Variants in RALYL observed in about 807,000 individuals in gnomAD.
RALYL encodes the protein RNA-binding Raly-like protein.
Under a neutral mutation model 35.1 loss-of-function variants are expected in RALYL, and 29 were observed. The observed-to-expected ratio is 0.83, with a 90% CI of 0.61 to 1.13. The LOEUF is 1.13. Ranked by LOEUF, RALYL falls within the 50% of genes most tolerant of loss-of-function variation. The pLI is 0.00. For missense variants in RALYL, 359 were observed against 360.4 expected (o/e 1.00, Z 0.03); for synonymous variants, 120 against 127.6 (o/e 0.94, Z 0.40).
At chr8:84,358,566 G>A (rs775712215) in intron 1 of RALYL, among the ~76,000 whole-genome samples, 13 of 151,976 alleles carry the variant, frequency 8.6e-5, no homozygotes, top group Non-Finnish European at 1.8e-4. Context: ...AATGATGAGC[G>A]TGGTTTTGAG....
chr8:84,325,848 G>A (rs1243862959), intron 1 of RALYL, among the ~76,000 whole-genome samples: 1 of 152,152 alleles, frequency 6.6e-6, no homozygotes, highest in Non-Finnish European at 1.5e-5. Context: ...TTAAAAAATA[G>A]GCTGGGTGCA....
intron 1 of RALYL, among the ~76,000 whole-genome samples, chr8:84,341,522 T>G (rs529943567): frequency 2.0e-5 from 3 of 152,142 alleles, no homozygotes; most frequent in Non-Finnish European, 2.9e-5. Context: ...TTTTCTATAA[T>G]GTATCGGTAT....
At chr8:84,493,379 G>T (rs935491024) in intron 1 of RALYL, among the ~76,000 whole-genome samples, 1 of 152,104 alleles carries the variant, frequency 6.6e-6, no homozygotes, top group Admixed American at 6.6e-5. Flanking sequence ...ATAAACATAT[G>T]TGTGCGTGTA....
chr8:84,826,204 C>T lies in RALYL; in HGVS notation c.365+21402C>T, dbSNP rs78285812. Among the ~76,000 whole-genome samples, 311 of 149,002 alleles carry T rather than the reference C, an allele frequency of 2.1e-3. 1 individual carries two copies. Among genetic ancestry groups the T allele is most frequent in the Middle Eastern group, 3.5e-3 (1 of 286 alleles). ...TTGAAAAACTGTTGGGTACCATGCTCACTAGGTGATGGGATCAATCATACT... is the reference window on the plus strand; with the variant it reads ...TTGAAAAACTGTTGGGTACCATGCTTACTAGGTGATGGGATCAATCATACT... On this transcript the variant is annotated intron_variant, in intron 4 of 8. Transcript: ENST00000521268.
chr8:84,697,268 TATC>T (rs1401566294), intron 2 of RALYL, among the ~76,000 whole-genome samples: 1 of 152,080 alleles, frequency 6.6e-6, no homozygotes, highest in Non-Finnish European at 1.5e-5. Flanking sequence ...AAGAATTACT[TATC>T]ATAGTATTGG....
At chr8:84,760,709 T>A (rs971302541) in intron 2 of RALYL, among the ~76,000 whole-genome samples, 1 of 151,992 alleles carries the variant, frequency 6.6e-6, no homozygotes, top group African/African-American at 2.4e-5. Context: ...TAAAAGTAAA[T>A]CTCATGAATG....
At chr8:84,830,074 A>G (rs1187839584) in intron 4 of RALYL, among the ~76,000 whole-genome samples, 1 of 151,980 alleles carries the variant, frequency 6.6e-6, no homozygotes, top group East Asian at 1.9e-4. Context: ...AAAAGTATGA[A>G]AAATGAGGCA....
At chr8:84,473,493 T>G (rs1184873765) in intron 1 of RALYL, among the ~76,000 whole-genome samples, 1 of 151,818 alleles carries the variant, frequency 6.6e-6, no homozygotes, top group Non-Finnish European at 1.5e-5. Context: ...CCAATTAAAT[T>G]TATTACTTTT....
At chr8:84,306,184 C>T (rs1011799417) in intron 1 of RALYL, among the ~76,000 whole-genome samples, 1 of 151,630 alleles carries the variant, frequency 6.6e-6, no homozygotes, top group African/African-American at 2.4e-5. Flanking sequence ...AAACGAAAAC[C>T]CCACCTCTTT....
At chr8:84,464,267 A>C (rs994373882) in intron 1 of RALYL, among the ~76,000 whole-genome samples, 7 of 151,694 alleles carry the variant, frequency 4.6e-5, no homozygotes, top group Admixed American at 4.6e-4. Flanking sequence ...CATTAGGTAT[A>C]TCTCCCAATG....
intron 1 of RALYL, among the ~76,000 whole-genome samples, chr8:84,248,677 T>C (rs1392199065): frequency 2.0e-5 from 3 of 152,156 alleles, no homozygotes; most frequent in African/African-American, 7.2e-5. Context: ...TCTGTTCTGA[T>C]GCTATTGGAC....
chr8:84,755,887 A>T (rs1053042119), intron 2 of RALYL, among the ~76,000 whole-genome samples: 19 of 149,874 alleles, frequency 1.3e-4, no homozygotes, highest in Non-Finnish European at 2.2e-4. Context: ...AAAAAAAAAA[A>T]TCCTCTTACC....
intron 1 of RALYL, among the ~76,000 whole-genome samples, chr8:84,369,305 T>C (rs1855199939): frequency 6.9e-6 from 1 of 145,672 alleles, no homozygotes; most frequent in Non-Finnish European, 1.5e-5. Flanking sequence ...AAAACTAGTA[T>C]TTATTTATTT....
At chr8:84,425,930 T>C (rs1304018805) in intron 1 of RALYL, among the ~76,000 whole-genome samples, 1 of 151,950 alleles carries the variant, frequency 6.6e-6, no homozygotes, top group Non-Finnish European at 1.5e-5. Flanking sequence ...TTGGGTTCAT[T>C]GGAACTAGGA....
At chr8:84,522,236 T>C (rs1188320594) in intron 1 of RALYL, among the ~76,000 whole-genome samples, 1 of 148,594 alleles carries the variant, frequency 6.7e-6, no homozygotes, top group Non-Finnish European at 1.5e-5. Flanking sequence ...ATACACAAAA[T>C]GATAGAAAGG....
At chr8:84,492,057 C>T (rs751877505) in intron 1 of RALYL, among the ~76,000 whole-genome samples, 1 of 151,928 alleles carries the variant, frequency 6.6e-6, no homozygotes, top group Non-Finnish European at 1.5e-5. Flanking sequence ...CAGAATATAA[C>T]TTAAAACTAT....
chr8:84,384,500 G>T lies in RALYL; in HGVS notation c.-23-144799G>T, dbSNP rs1227351009. Among the ~76,000 whole-genome samples, 5 of 151,666 alleles carry T rather than the reference G, an allele frequency of 3.3e-5. No individual in the cohort carries two copies. In the East Asian group the frequency reaches 9.8e-4, roughly 30 times the overall value. On this transcript the variant is annotated intron_variant, in intron 1 of 8. Coordinates refer to ENST00000521268, the MANE Select transcript of RALYL (RefSeq NM_173848.7). ...ATTATTTCTATTATAGATATTCTTT[G>T]AACTCTGGATAAAGAATAATACACA... is the stretch of plus-strand genomic sequence containing the variant.
chr8:84,855,729 A>G (rs771695494), intron 5 of RALYL, among the ~76,000 whole-genome samples: 25 of 152,242 alleles, frequency 1.6e-4, no homozygotes, highest in Non-Finnish European at 2.8e-4. Context: ...AACTTCTGCA[A>G]TGTTAGCTGT....
chr8:84,585,716 C>A (rs941643686), intron 2 of RALYL, among the ~76,000 whole-genome samples: 9 of 152,000 alleles, frequency 5.9e-5, no homozygotes, highest in South Asian at 2.1e-4. Flanking sequence ...TATACATTAA[C>A]AAATATTCCA....
Sources: gnomAD v4.1 joint callset for allele counts (sites outside exome capture counted in the v4.1 genomes callset) on GRCh38, gnomAD v4.1.1 for gene constraint, MANE v1.5 for transcripts, NCBI Gene and HGNC (gene_info 2026-07-23, HGNC 2026-07-21) for gene names.